Variants in ZNF177 observed in about 807,000 individuals in gnomAD.
ZNF177 encodes zinc finger protein 177.
Under a neutral mutation model 19.4 loss-of-function variants are expected in ZNF177, and 17 were observed. The ratio of observed to expected loss-of-function variants is 0.87; its 90% CI spans 0.60 to 1.31. ZNF177 has a LOEUF of 1.31. ZNF177 is among the 40% of genes most tolerant of loss of function. The probability of loss-of-function intolerance (pLI) is 0.00; values close to 1 mark genes in which losing one functional copy is unlikely to be tolerated. For missense variants in ZNF177, 633 were observed against 561.8 expected (o/e 1.13, Z -1.28); for synonymous variants, 220 against 188.7 (o/e 1.17, Z -1.36).
chr19:9,377,937 C>A (rs1302237292), intron 1 of ZNF177, among the ~76,000 whole-genome samples: 1 of 152,144 alleles, frequency 6.6e-6, no homozygotes, highest in Non-Finnish European at 1.5e-5. Context: ...CTAGACTCAG[C>A]TATTTCTCCA....
chr19:9,370,176 A>C lies in ZNF177; in HGVS notation c.-304-1434A>C, dbSNP rs79986758. On this transcript the variant is annotated intron_variant, in intron 2 of 8. Transcript: ENST00000343499. ...ATCATGAAAATTTTTAATTCTCCAC[A>C]AAAGTAGAATAGTACAGTTGTCTCT... 5.0e-4 allele frequency among the ~76,000 whole-genome samples: 76 copies of C among 152,192 alleles called. 1 individual carries two copies. The highest frequency in any genetic ancestry group is 1.7e-3 in the African/African-American group (69 of 41,500).
chr19:9,380,995 C>A, exon 6 of ZNF177: 1 of 1,564,926 alleles, frequency 6.4e-7, no homozygotes. Flanking sequence ...CTGCTCAGTA[C>A]GTGAGCAAAT....
At position 9,379,202 on chromosome 19, in the gene ZNF177, T is replaced by G. The variant is rs537575840; in HGVS notation, c.160+114T>G. On this transcript the variant is annotated intron_variant, in intron 3 of 5. Coordinates refer to ENST00000589262, the Ensembl canonical transcript of ZNF177. Reference sequence around the variant, plus strand: ...ATACAGTGGTTAACCCCAAAATGAATGGTCCCTGCCCTTGAGGGGGCAGTC... The same window carrying G: ...ATACAGTGGTTAACCCCAAAATGAAGGGTCCCTGCCCTTGAGGGGGCAGTC... 8 of 1,437,144 alleles carry G rather than the reference T, an allele frequency of 5.6e-6. No individual in the cohort carries two copies. The East Asian group carries it at 2.0e-4, about 36-fold the overall frequency. 89.0% of individuals were successfully genotyped at this position (1,437,144 alleles called of 1,614,324 possible). A position where few individuals can be genotyped will look rare whatever the true frequency, so the allele number is the denominator to read the frequency against.
chr19:9,379,416 C>T (rs758260011), intron 3 of ZNF177, 111 bp from the exon 6 acceptor site: 1 of 1,375,606 alleles, frequency 7.3e-7, no homozygotes, highest in Non-Finnish European at 9.7e-7. Context: ...CCTAAAGCTG[C>T]ACTTGACTAT....
chr19:9,368,161 A>G (rs534487495), intron 2 of ZNF177, among the ~76,000 whole-genome samples: 1 of 152,308 alleles, frequency 6.6e-6, no homozygotes, highest in African/African-American at 2.4e-5. Context: ...TAAGCTGGGA[A>G]GACCTAGCAC....
At chr19:9,378,898 A>C in intron 2 of ZNF177, 64 bp from the exon 5 acceptor site, 1 of 1,521,280 alleles carries the variant, frequency 6.6e-7, no homozygotes, top group Non-Finnish European at 8.9e-7. Context: ...CTCACCCACC[A>C]TTCTCCTGGT....
chr19:9,375,032 G>A (rs79233265), upstream of ZNF177, among the ~76,000 whole-genome samples: 5,959 of 152,214 alleles, frequency 0.039, 229 homozygotes, highest in African/African-American at 0.11. Flanking sequence ...CTAATTCGTT[G>A]AGGGTTTTTA....
intron 2 of ZNF177, among the ~76,000 whole-genome samples, chr19:9,365,519 AG>A (rs2067966451): frequency 6.6e-6 from 1 of 151,918 alleles, no homozygotes; most frequent in African/African-American, 2.4e-5. Flanking sequence ...ACACATGGAG[AG>A]AAGGGGGTCA....
At chr19:9,369,057 C>A (rs972409366) in intron 2 of ZNF177, among the ~76,000 whole-genome samples, 3 of 152,076 alleles carry the variant, frequency 2.0e-5, no homozygotes, top group Non-Finnish European at 4.4e-5. Flanking sequence ...TTAAGACTGG[C>A]TTTACAGTAT....
intron 2 of ZNF177, among the ~76,000 whole-genome samples, chr19:9,366,200 C>T (rs1356893006): frequency 6.6e-6 from 1 of 152,184 alleles, no homozygotes; most frequent in Admixed American, 6.5e-5. Flanking sequence ...CCAGAGTGGT[C>T]TGGATCTCCT....
intron 2 of ZNF177, among the ~76,000 whole-genome samples, chr19:9,366,260 C>T (rs1184980151): frequency 6.6e-6 from 1 of 152,062 alleles, no homozygotes; most frequent in Non-Finnish European, 1.5e-5. Context: ...GGACTACAGG[C>T]GTGAGCCACC....
chr19:9,365,457 T>C (rs955141868), intron 2 of ZNF177, among the ~76,000 whole-genome samples: 2 of 149,694 alleles, frequency 1.3e-5, no homozygotes, highest in African/African-American at 2.5e-5. Context: ...GCTAGAGATA[T>C]GGAGAGAAGG....
chr19:9,378,990 T>A (rs748416452), exon 3 of ZNF177: 1 of 1,609,472 alleles, frequency 6.2e-7, no homozygotes, highest in South Asian at 1.1e-5. Flanking sequence ...GAAGTGGCAG[T>A]GGACTTTTCC....
chr19:9,378,286 C>G (rs754154004), exon 2 of ZNF177: 1 of 1,613,352 alleles, frequency 6.2e-7, no homozygotes, highest in Non-Finnish European at 8.5e-7. Flanking sequence ...TCTGCCCAGC[C>G]AGGAAGGAAA....
chr19:9,375,994 G>A (rs111518750), upstream of ZNF177, among the ~76,000 whole-genome samples: 3,223 of 152,104 alleles, frequency 0.021, 110 homozygotes, highest in African/African-American at 0.073. Flanking sequence ...TTCCATTTAC[G>A]TGGAATGTCT....
intron 2 of ZNF177, among the ~76,000 whole-genome samples, chr19:9,365,680 C>T (rs1391312005): frequency 6.6e-6 from 1 of 152,070 alleles, no homozygotes; most frequent in Non-Finnish European, 1.5e-5. Flanking sequence ...GACTGTCTTC[C>T]CGAGTCCATG....
chr19:9,370,637 G>T (rs1362015198), intron 2 of ZNF177, among the ~76,000 whole-genome samples: 1 of 152,054 alleles, frequency 6.6e-6, no homozygotes. Context: ...GCCCAGGCTA[G>T]TCTCAAACTC....
At chr19:9,373,805 A>G (rs947807600), upstream of ZNF177, among the ~76,000 whole-genome samples, 1 of 151,708 alleles carries the variant, frequency 6.6e-6, no homozygotes, top group South Asian at 2.1e-4. Context: ...ATCGAACTGT[A>G]TGTATTTCGT....
At chr19:9,376,304 T>C (rs546593638), upstream of ZNF177, 1 of 152,280 alleles carries the variant, frequency 6.6e-6, no homozygotes, top group Non-Finnish European at 1.5e-5. Flanking sequence ...TTTTTTAAAT[T>C]GTTTTCTGTA....
Sources: gnomAD v4.1 joint callset for allele counts (sites outside exome capture counted in the v4.1 genomes callset) on GRCh38, gnomAD v4.1.1 for gene constraint, MANE v1.5 for transcripts, NCBI Gene and HGNC (gene_info 2026-07-23, HGNC 2026-07-21) for gene names.